RPL31: variants seen among roughly 807,000 people sequenced by gnomAD.
RPL31 encodes ribosomal protein L31.
For missense variants in RPL31, 95 were observed against 164.0 expected (o/e 0.58, Z 2.30); for synonymous variants, 51 against 55.0 (o/e 0.93, Z 0.32).
chr2:101,003,117 T>C (rs1014995474), intron 2 of RPL31, among the ~76,000 whole-genome samples: 1 of 152,188 alleles, frequency 6.6e-6, no homozygotes, highest in Non-Finnish European at 1.5e-5. Context: ...CGGCCTTCTA[T>C]CTTAGGTTAG....
At chr2:101,002,424 T>G in intron 1 of RPL31, 109 bp downstream of exon 1, 3 of 446,020 alleles carry the variant, frequency 6.7e-6, no homozygotes, top group Non-Finnish European at 8.2e-6. Context: ...GGGGCTCCGG[T>G]TGTGGGGAGA....
chr2:101,006,119 C>A, intron 4 of RPL31, 48 bp downstream of exon 4: 1 of 1,591,402 alleles, frequency 6.3e-7, no homozygotes, highest in South Asian at 1.1e-5. Context: ...AGAAAAATGT[C>A]CTTACCTCTT....
chr2:101,009,762 T>C (rs969536597), downstream of RPL31, among the ~76,000 whole-genome samples: 5 of 151,806 alleles, frequency 3.3e-5, no homozygotes, highest in African/African-American at 1.2e-4. Flanking sequence ...TGCTAAATTC[T>C]ACTCTTGAAG....
In RPL31 at chr2:101,017,930, A is replaced by C; in HGVS notation, c.347-1068A>C. On this transcript the variant is annotated intron_variant, in intron 4 of 4. Transcript: ENST00000409028. ...AGAAACCGAACAAGAAGAGGAAAGC[A>C]AATGGCATTTTCTTCTCTACTTGGT... 1.9e-6 allele frequency: 3 copies of C among 1,550,748 alleles called. No individual in the cohort carries two copies. In the Admixed American group the frequency reaches 5.9e-5, roughly 30 times the overall value.
downstream of RPL31, chr2:101,008,097 C>A: frequency 6.2e-7 from 1 of 1,613,826 alleles, no homozygotes; most frequent in Non-Finnish European, 8.5e-7. Context: ...GAGCTGAAGC[C>A]CGCAGCTCCT....
At chr2:101,007,687 G>A, downstream of RPL31, 1 of 900,180 alleles carries the variant, frequency 1.1e-6, no homozygotes, top group South Asian at 1.6e-5. Context: ...CCTGGCCACA[G>A]TTTGTCAGGT....
downstream of RPL31, among the ~76,000 whole-genome samples, chr2:101,012,144 A>G (rs1679263273): frequency 6.6e-6 from 1 of 152,232 alleles, no homozygotes; most frequent in Admixed American, 6.5e-5. Context: ...CCACTTTAGT[A>G]AACAGTCTGG....
intron 4 of RPL31, chr2:101,018,856 A>G (rs1558623513): frequency 3.8e-6 from 4 of 1,041,480 alleles, no homozygotes; most frequent in Non-Finnish European, 5.5e-6. Flanking sequence ...TCCAATTAGT[A>G]TAATTAACTA....
chr2:101,006,170 C>A, intron 4 of RPL31, 99 bp downstream of exon 4: 1 of 1,524,268 alleles, frequency 6.6e-7, no homozygotes, highest in South Asian at 1.3e-5. Flanking sequence ...TGACACACGT[C>A]ATTGTACCCT....
chr2:101,015,217 AG>A (rs1679533314), intron 4 of RPL31, among the ~76,000 whole-genome samples: 2 of 152,310 alleles, frequency 1.3e-5, no homozygotes, highest in African/African-American at 4.8e-5. Context: ...AATGTAGAAA[AG>A]GTGCTATAAA....
At chr2:101,007,983 AT>A (rs748807123), downstream of RPL31, 4 of 1,613,926 alleles carry the variant, frequency 2.5e-6, no homozygotes. Flanking sequence ...AAGCTAAAAT[AT>A]GTTCAAGGGA....
At chr2:101,019,489 T>C (rs1184206248) in exon 5 of RPL31, 1 of 153,520 alleles carries the variant, frequency 6.5e-6, no homozygotes, top group African/African-American at 2.4e-5. Flanking sequence ...TTAGGTTGTC[T>C]GCACTCTAGC....
chr2:101,010,741 A>G (rs755668085), downstream of RPL31, among the ~76,000 whole-genome samples: 18 of 151,928 alleles, frequency 1.2e-4, no homozygotes, highest in Non-Finnish European at 1.9e-4. Context: ...AAATAGCCAG[A>G]CGTGGTTGCA....
chr2:101,005,727 C>T (rs2105350100), intron 3 of RPL31: 1 of 546,138 alleles, frequency 1.8e-6, no homozygotes, highest in Middle Eastern at 4.8e-4. Context: ...GGTTGGGTAT[C>T]AATGGTGGCT....
intron 4 of RPL31, among the ~76,000 whole-genome samples, chr2:101,016,902 C>T (rs1356803267): frequency 6.6e-6 from 1 of 150,390 alleles, no homozygotes; most frequent in Non-Finnish European, 1.5e-5. Context: ...TGAAGGGGAA[C>T]ATCACACTCT....
At chr2:101,011,254 TG>T (rs1679185615), downstream of RPL31, 4 of 695,116 alleles carry the variant, frequency 5.8e-6, no homozygotes, top group South Asian at 7.7e-5. Context: ...AACTTGGTGG[TG>T]GGGGCAAGGG....
chr2:101,011,692 C>G (rs1679226239), downstream of RPL31, among the ~76,000 whole-genome samples: 3 of 152,182 alleles, frequency 2.0e-5, no homozygotes, highest in Admixed American at 1.3e-4. Context: ...AAATGCACAC[C>G]AAGCACTGTC....
intron 4 of RPL31, chr2:101,018,153 C>T: frequency 2.0e-6 from 1 of 503,178 alleles, no homozygotes; most frequent in Non-Finnish European, 3.6e-6. Context: ...CTCATTCATA[C>T]AGATATTGCT....
chr2:101,011,638 G>T, downstream of RPL31: 1 of 1,277,154 alleles, frequency 7.8e-7, no homozygotes, highest in Non-Finnish European at 1.1e-6. Context: ...TAAGCCAGCA[G>T]CTCCCAGCCT....
Sources: gnomAD v4.1 joint callset for allele counts (sites outside exome capture counted in the v4.1 genomes callset) on GRCh38, gnomAD v4.1.1 for gene constraint, MANE v1.5 for transcripts, NCBI Gene and HGNC (gene_info 2026-07-23, HGNC 2026-07-21) for gene names.